The following XYLB variants were observed in gnomAD, a reference collection of about 807,000 sequenced individuals.
The protein encoded by XYLB is xylulokinase, also known as xylulose kinase.
XYLB carries 62 observed loss-of-function variants against 78.7 expected under a neutral mutation model. The observed-to-expected ratio is 0.79, with a 90% confidence interval of 0.64 to 0.97. The LOEUF (loss-of-function observed/expected upper bound fraction) is 0.97. Among genes scored for constraint, XYLB ranks in the 50% least tolerant of loss-of-function variants. XYLB has a pLI of 0.00. For synonymous variants in XYLB, 245 were observed against 247.4 expected (o/e 0.99, Z 0.09); for missense variants, 687 against 676.8 (o/e 1.02, Z -0.17).
At chr3:38,436,125 A>G in the XYLB span, among the ~76,000 whole-genome samples, 1 of 152,152 alleles carries the variant, frequency 6.6e-6, no homozygotes, top group Non-Finnish European at 1.5e-5. Flanking sequence ...CAAAGGATAA[A>G]CAAAACAAAA....
At chr3:38,406,701 G>T (rs1464919304) in intron 18 of XYLB, among the ~76,000 whole-genome samples, 2 of 152,234 alleles carry the variant, frequency 1.3e-5, no homozygotes, top group Non-Finnish European at 2.9e-5. Flanking sequence ...AGCTGATGGA[G>T]CTGAAAGCCA....
At chr3:38,375,848 C>G (rs1706824048) in intron 12 of XYLB, among the ~76,000 whole-genome samples, 1 of 152,194 alleles carries the variant, frequency 6.6e-6, no homozygotes, top group South Asian at 2.1e-4. Flanking sequence ...GAAACCCAAG[C>G]TCCCTGTCTC....
At chr3:38,377,217 A>C (rs1364467682) in intron 14 of XYLB, among the ~76,000 whole-genome samples, 1 of 151,826 alleles carries the variant, frequency 6.6e-6, no homozygotes, top group Non-Finnish European at 1.5e-5. Context: ...AAAACCTGAG[A>C]GTTCTCTTCC....
intron 18 of XYLB, among the ~76,000 whole-genome samples, chr3:38,404,471 C>G (rs1390263584): frequency 2.6e-5 from 4 of 152,226 alleles, no homozygotes; most frequent in African/African-American, 9.6e-5. Flanking sequence ...TCAGACAGAG[C>G]TGCTCCAGCT....
chr3:38,433,453 G>T, the XYLB span, among the ~76,000 whole-genome samples: 26 of 152,182 alleles, frequency 1.7e-4, no homozygotes, highest in Admixed American at 1.7e-3. Context: ...CAGAAAATTG[G>T]TTTTTCTTTC....
the XYLB span, among the ~76,000 whole-genome samples, chr3:38,437,424 A>G: frequency 6.6e-6 from 1 of 152,238 alleles, no homozygotes; most frequent in Non-Finnish European, 1.5e-5. Context: ...ATCAGGCAAG[A>G]GAAAGAAAGA....
intron 17 of XYLB, among the ~76,000 whole-genome samples, chr3:38,399,695 C>T (rs925053907): frequency 1.2e-4 from 18 of 152,164 alleles, no homozygotes; most frequent in Admixed American, 1.1e-3. Flanking sequence ...ACTTCACTGC[C>T]ATCCTGCACT....
intron 15 of XYLB, among the ~76,000 whole-genome samples, chr3:38,383,551 G>A (rs904701819): frequency 3.9e-5 from 6 of 152,152 alleles, no homozygotes; most frequent in East Asian, 1.9e-4. Context: ...AGGTGGAGGC[G>A]GGAGGATCAC....
At chr3:38,449,252 A>G in the XYLB span, among the ~76,000 whole-genome samples, 18 of 152,222 alleles carry the variant, frequency 1.2e-4, no homozygotes, top group Non-Finnish European at 2.4e-4. Context: ...CCTACTGAGT[A>G]GCTGGGACTA....
intron 2 of XYLB, 145 bp downstream of exon 2, chr3:38,348,777 T>A (rs1403424027): frequency 4.4e-6 from 3 of 676,532 alleles, no homozygotes; most frequent in African/African-American, 1.8e-5. Context: ...CATCTTTTTT[T>A]CCTATACCTA....
downstream of XYLB, among the ~76,000 whole-genome samples, chr3:38,418,068 G>T (rs1403121929): frequency 6.6e-6 from 1 of 151,058 alleles, no homozygotes; most frequent in Admixed American, 6.6e-5. Context: ...GGTAGCAGAC[G>T]CCTGTAATCC....
At chr3:38,400,230 A>T (rs1482674099) in intron 17 of XYLB, among the ~76,000 whole-genome samples, 2 of 152,156 alleles carry the variant, frequency 1.3e-5, no homozygotes, top group East Asian at 1.9e-4. Context: ...CACCATGGTT[A>T]TAGTGGTGAC....
intron 9 of XYLB, 70 bp downstream of exon 9, chr3:38,370,244 A>G (rs928533472): frequency 1.4e-4 from 110 of 794,414 alleles, no homozygotes; most frequent in African/African-American, 1.1e-3. Context: ...TGTAGCGCAC[A>G]CACACACACA....
chr3:38,423,082 A>T (rs891720456), downstream of XYLB, among the ~76,000 whole-genome samples: 3 of 151,786 alleles, frequency 2.0e-5, no homozygotes, highest in Admixed American at 6.6e-5. Flanking sequence ...TATTATTATT[A>T]TTTTTCTTAA....
chr3:38,431,629 A>G, the XYLB span, among the ~76,000 whole-genome samples: 3 of 152,196 alleles, frequency 2.0e-5, no homozygotes, highest in African/African-American at 7.2e-5. Context: ...GTCTTGTGCC[A>G]GTTTTCAAAG....
At chr3:38,412,181 G>C (rs543106108) in intron 18 of XYLB, among the ~76,000 whole-genome samples, 1 of 152,180 alleles carries the variant, frequency 6.6e-6, no homozygotes, top group Admixed American at 6.5e-5. Context: ...AGTAGAGACG[G>C]GGTTTCACCA....
chr3:38,366,332 C>T (rs372089793), intron 6 of XYLB, among the ~76,000 whole-genome samples: 13 of 151,958 alleles, frequency 8.6e-5, no homozygotes, highest in Middle Eastern at 3.2e-3. Context: ...GAACAGTCAC[C>T]GTGCTGTGTG....
At chr3:38,388,808 T>G (rs1707510513) in intron 15 of XYLB, among the ~76,000 whole-genome samples, 1 of 152,248 alleles carries the variant, frequency 6.6e-6, no homozygotes, top group South Asian at 2.1e-4. Context: ...GGGCTTAAAA[T>G]GTTAAAATAT....
intron 2 of XYLB, among the ~76,000 whole-genome samples, chr3:38,353,630 C>T (rs6599151): frequency 0.99 from 150,562 of 152,166 alleles, 74,508 homozygotes; most frequent in East Asian, 1. Flanking sequence ...TTTTTAGAAG[C>T]CCATCTTTAC....
Sources: gnomAD v4.1 joint callset for allele counts (sites outside exome capture counted in the v4.1 genomes callset) on GRCh38, gnomAD v4.1.1 for gene constraint, MANE v1.5 for transcripts, NCBI Gene and HGNC (gene_info 2026-07-23, HGNC 2026-07-21) for gene names.